Variants in TNFAIP8L1 observed in about 807,000 individuals in gnomAD.
TNFAIP8L1 encodes the protein tumor necrosis factor alpha-induced protein 8-like protein 1.
For missense variants in TNFAIP8L1, 225 were observed against 266.1 expected (o/e 0.85, Z 1.08); for synonymous variants, 127 against 125.6 (o/e 1.01, Z -0.08).
At chr19:4,650,070 A>G (rs2088348158) in intron 1 of TNFAIP8L1, among the ~76,000 whole-genome samples, 1 of 151,776 alleles carries the variant, frequency 6.6e-6, no homozygotes, top group South Asian at 2.1e-4. Flanking sequence ...GTTCTTCCAC[A>G]CTCCCCTCTT....
intron 1 of TNFAIP8L1, among the ~76,000 whole-genome samples, chr19:4,646,475 A>G (rs2088312250): frequency 6.6e-6 from 1 of 151,858 alleles, no homozygotes; most frequent in African/African-American, 2.4e-5. Flanking sequence ...TTATGTGACC[A>G]TCATAAATTT....
intron 1 of TNFAIP8L1, among the ~76,000 whole-genome samples, chr19:4,651,096 C>T (rs923884571): frequency 3.9e-5 from 6 of 152,062 alleles, no homozygotes; most frequent in Admixed American, 6.5e-5. Flanking sequence ...CCACCCTGAA[C>T]AGCCCCGGGT....
chr19:4,650,498 G>C (rs912501062), intron 1 of TNFAIP8L1, among the ~76,000 whole-genome samples: 1 of 152,056 alleles, frequency 6.6e-6, no homozygotes, highest in Non-Finnish European at 1.5e-5. Flanking sequence ...TTCCGGAGCT[G>C]CAGGAAGGAG....
intron 1 of TNFAIP8L1, among the ~76,000 whole-genome samples, chr19:4,646,593 G>A (rs1180974283): frequency 2.0e-5 from 3 of 151,176 alleles, no homozygotes; most frequent in Admixed American, 1.3e-4. Flanking sequence ...TCCAGCACCC[G>A]CGAGTCCGCT....
chr19:4,651,817 G>A, intron 1 of TNFAIP8L1, 50 bp from the exon 2 acceptor site: 3 of 1,531,114 alleles, frequency 2.0e-6, no homozygotes, highest in Non-Finnish European at 2.6e-6. Context: ...TCTTCTGTGT[G>A]AGGAGTGCCC....
chr19:4,647,799 A>T (rs2363266), intron 1 of TNFAIP8L1, among the ~76,000 whole-genome samples: 36,850 of 149,594 alleles, frequency 0.25, 4,699 homozygotes, highest in Middle Eastern at 0.34. Flanking sequence ...ATTAAAAAAA[A>T]TTTTTTTTTG....
chr19:4,648,327 C>G (rs1438183720), intron 1 of TNFAIP8L1, among the ~76,000 whole-genome samples: 1 of 152,224 alleles, frequency 6.6e-6, no homozygotes, highest in Non-Finnish European at 1.5e-5. Flanking sequence ...CTGATGCGGC[C>G]GCTACACCGC....
chr19:4,642,724 TGAG>T lies in TNFAIP8L1; in HGVS notation c.-4+3105_-4+3107del, dbSNP rs559863756. Among the ~76,000 whole-genome samples, 176 of 122,816 alleles carry T rather than the reference TGAG, an allele frequency of 1.4e-3. 1 individual carries two copies. The highest frequency in any genetic ancestry group is 5.3e-3 in the African/African-American group (167 of 31,554). 80.6% of individuals were successfully genotyped at this position (122,816 alleles called of 152,430 possible). A position where few individuals can be genotyped will look rare whatever the true frequency, so the allele number is the denominator to read the frequency against. On this transcript the variant is annotated intron_variant, in intron 1 of 1. Coordinates refer to ENST00000327473, the MANE Select transcript of TNFAIP8L1 (RefSeq NM_152362.3). ...AAGGAGGCCCGTGGGGCTGGAGCAG[TGAG>T]GAGGAGGAGAGAGGGAGGAGGGGAG...
intron 1 of TNFAIP8L1, among the ~76,000 whole-genome samples, chr19:4,649,039 C>T (rs2088337946): frequency 6.6e-6 from 1 of 150,998 alleles, no homozygotes; most frequent in African/African-American, 2.4e-5. Context: ...GAGCGATTCT[C>T]CTGTCTCAGC....
intron 1 of TNFAIP8L1, among the ~76,000 whole-genome samples, chr19:4,650,901 G>A (rs1004495863): frequency 1.3e-4 from 20 of 152,256 alleles, no homozygotes; most frequent in African/African-American, 4.6e-4. Context: ...GGAGAATGGC[G>A]TGAGCCCAGG....
At chr19:4,648,525 C>T (rs796218732) in intron 1 of TNFAIP8L1, among the ~76,000 whole-genome samples, 23 of 152,350 alleles carry the variant, frequency 1.5e-4, no homozygotes, top group African/African-American at 4.1e-4. Context: ...CTGCCCCGGC[C>T]GTCTTAGGAG....
intron 1 of TNFAIP8L1, among the ~76,000 whole-genome samples, chr19:4,647,703 C>T (rs372318614): frequency 6.7e-6 from 1 of 148,774 alleles, no homozygotes; most frequent in African/African-American, 2.5e-5. Flanking sequence ...CTCACTGCAG[C>T]CTTGACCTCG....
rs1318007210 is a variant in TNFAIP8L1 at position 4,653,665 on chromosome 19, G to A, written c.*1235G>A. On this transcript the variant is annotated 3_prime_UTR_variant, in exon 2 of 2. Coordinates refer to ENST00000327473, the MANE Select transcript of TNFAIP8L1 (RefSeq NM_152362.3). ...AGCTACTTGGGAGGCTGAGGCAGGAGAATCGCTTGAACCTGGGAGGCGCAG... is the reference window on the plus strand; with the variant it reads ...AGCTACTTGGGAGGCTGAGGCAGGAAAATCGCTTGAACCTGGGAGGCGCAG... The A allele has an allele frequency of 1.3e-5, 2 of 149,056 alleles. No homozygotes were observed. Among genetic ancestry groups the A allele is most frequent in the Non-Finnish European group, 3.0e-5 (2 of 67,604 alleles). The allele number at this position is 149,056 out of a possible 1,614,324, so 9.2% of individuals were successfully genotyped here.
At chr19:4,651,846 G>A (rs2088367024) in intron 1 of TNFAIP8L1, 21 bp from the exon 2 acceptor site, 3 of 1,573,796 alleles carry the variant, frequency 1.9e-6, no homozygotes, top group East Asian at 2.3e-5. Context: ...AAAACTGAGG[G>A]CTGGTCTGTG....
intron 1 of TNFAIP8L1, among the ~76,000 whole-genome samples, chr19:4,649,150 G>A (rs2088338877): frequency 6.6e-6 from 1 of 151,654 alleles, no homozygotes; most frequent in Non-Finnish European, 1.5e-5. Context: ...GGCTGGACTC[G>A]AACTCCTGAC....
At chr19:4,649,390 G>A (rs1310767436) in intron 1 of TNFAIP8L1, among the ~76,000 whole-genome samples, 1 of 151,970 alleles carries the variant, frequency 6.6e-6, no homozygotes, top group Non-Finnish European at 1.5e-5. Context: ...TTGGTCACAA[G>A]CTTCTGCCCC....
chr19:4,652,217 G>A lies in TNFAIP8L1; in HGVS notation c.348G>A (p.Leu116=). The change falls in exon 2 of 2, where the codon CTG becomes CTA. Residue 116 remains leucine, a synonymous_variant. Transcript: ENST00000327473. The part of the protein sequence containing the change: ...QVDFTFDRRV[L]AAGLLECRDL... ...ACTTCACCTTCGACCGGCGCGTGCT[G>A]GCCGCCGGGCTGCTCGAGTGCCGCG... The A allele has an allele frequency of 3.2e-6, 5 of 1,544,704 alleles. No homozygotes were observed. The highest frequency in any genetic ancestry group is 4.4e-6 in the Non-Finnish European group (5 of 1,147,534).
intron 1 of TNFAIP8L1, among the ~76,000 whole-genome samples, chr19:4,647,231 G>C (rs2088320231): frequency 1.3e-5 from 2 of 152,190 alleles, no homozygotes; most frequent in Admixed American, 1.3e-4. Flanking sequence ...TTTCTCTTGG[G>C]TAGATCCCCC....
At chr19:4,647,712 C>T (rs1165925817) in intron 1 of TNFAIP8L1, among the ~76,000 whole-genome samples, 8 of 149,060 alleles carry the variant, frequency 5.4e-5, no homozygotes, top group African/African-American at 1.7e-4. Flanking sequence ...GCCTTGACCT[C>T]GTGGGCTCAA....
Sources: gnomAD v4.1 joint callset for allele counts (sites outside exome capture counted in the v4.1 genomes callset) on GRCh38, gnomAD v4.1.1 for gene constraint, MANE v1.5 for transcripts, NCBI Gene and HGNC (gene_info 2026-07-23, HGNC 2026-07-21) for gene names.